Variants in RAPGEF4 observed in about 807,000 individuals in gnomAD.
The protein encoded by RAPGEF4 is RAP guanine-nucleotide-exchange factor (GEF) 4.
In RAPGEF4, 66 loss-of-function variants were observed where a neutral mutation model predicts 147.9. The observed-to-expected ratio is 0.45, with a 90% CI of 0.37 to 0.55. RAPGEF4 has a LOEUF of 0.55. Among genes scored for constraint, RAPGEF4 ranks in the 20% least tolerant of loss-of-function variants. RAPGEF4 has a pLI of 0.00. For synonymous variants in RAPGEF4, 419 were observed against 442.7 expected (o/e 0.95, Z 0.67); for missense variants, 1,071 against 1,257.3 (o/e 0.85, Z 2.24).
chr2:172,818,786 G>C (rs143285184), intron 4 of RAPGEF4, among the ~76,000 whole-genome samples: 185 of 152,328 alleles, frequency 1.2e-3, no homozygotes, highest in African/African-American at 4.2e-3. Flanking sequence ...GACTGTAATG[G>C]TAGCACAAAG....
At chr2:172,884,679 A>G (rs543639538) in intron 4 of RAPGEF4, among the ~76,000 whole-genome samples, 2 of 152,170 alleles carry the variant, frequency 1.3e-5, no homozygotes, top group Non-Finnish European at 2.9e-5. Context: ...GTGTGCCCCA[A>G]AAGAGTTTTA....
At chr2:172,876,347 C>T (rs2149832696) in intron 4 of RAPGEF4, among the ~76,000 whole-genome samples, 1 of 152,200 alleles carries the variant, frequency 6.6e-6, no homozygotes, top group Admixed American at 6.5e-5. Context: ...GGGAATGCTT[C>T]CAGTTTTTGC....
chr2:172,748,534 C>T (rs1271474523), intron 1 of RAPGEF4, among the ~76,000 whole-genome samples: 1 of 152,084 alleles, frequency 6.6e-6, no homozygotes, highest in Admixed American at 6.6e-5. Flanking sequence ...GGGGAAGCTG[C>T]CCCCATGATT....
chr2:172,876,053 T>A (rs553938344), intron 4 of RAPGEF4, among the ~76,000 whole-genome samples: 13 of 152,286 alleles, frequency 8.5e-5, no homozygotes, highest in Non-Finnish European at 1.8e-4. Flanking sequence ...GCTTGTCTGT[T>A]ATTGGTGTAT....
chr2:172,805,505 A>G (rs190019484), intron 3 of RAPGEF4, among the ~76,000 whole-genome samples: 68 of 152,328 alleles, frequency 4.5e-4, no homozygotes, highest in African/African-American at 1.6e-3. Context: ...CATCTCTCCC[A>G]GCTTCTCAGA....
At chr2:173,015,483 T>C (rs1261890807) in intron 18 of RAPGEF4, among the ~76,000 whole-genome samples, 1 of 152,168 alleles carries the variant, frequency 6.6e-6, no homozygotes, top group African/African-American at 2.4e-5. Flanking sequence ...TTTCTATTCA[T>C]ATCATTTCAC....
chr2:172,791,342 C>T (rs1224495996), intron 1 of RAPGEF4, among the ~76,000 whole-genome samples: 5 of 152,138 alleles, frequency 3.3e-5, no homozygotes, highest in East Asian at 1.9e-4. Flanking sequence ...AGTTTGAGGT[C>T]GCTGTAGAAG....
chr2:172,927,267 G>A (rs914239887), intron 6 of RAPGEF4, among the ~76,000 whole-genome samples: 3 of 152,026 alleles, frequency 2.0e-5, no homozygotes, highest in East Asian at 3.9e-4. Flanking sequence ...TGACTGTGAG[G>A]GTCAAAAGGT....
chr2:172,979,959 G>T (rs193248254), intron 10 of RAPGEF4, among the ~76,000 whole-genome samples: 1 of 152,348 alleles, frequency 6.6e-6, no homozygotes, highest in Non-Finnish European at 1.5e-5. Flanking sequence ...AGAGCTTGCA[G>T]TGAGCCAAGA....
intron 1 of RAPGEF4, among the ~76,000 whole-genome samples, chr2:172,751,647 T>A (rs10203074): frequency 0.12 from 18,665 of 152,146 alleles, 1,187 homozygotes; most frequent in Middle Eastern, 0.16. Context: ...GAAGTGATAT[T>A]TGACCAAAGA....
At chr2:172,736,245 A>G in intron 1 of RAPGEF4, 197 bp downstream of exon 1, 1 of 370,230 alleles carries the variant, frequency 2.7e-6, no homozygotes, top group African/African-American at 2.1e-5. Context: ...TGCCAGCGGC[A>G]TGAGATTATT....
intron 30 of RAPGEF4, 75 bp downstream of exon 30, chr2:173,048,729 C>T: frequency 6.3e-7 from 1 of 1,599,788 alleles, no homozygotes; most frequent in Non-Finnish European, 8.5e-7. Flanking sequence ...CATTGAGACA[C>T]CCTTGGAGCC....
chr2:172,774,575 T>TA (rs1177897278), intron 1 of RAPGEF4, among the ~76,000 whole-genome samples: 1 of 152,222 alleles, frequency 6.6e-6, no homozygotes, highest in Non-Finnish European at 1.5e-5. Flanking sequence ...AAATATCAGC[T>TA]AAAATGGTGT....
At chr2:172,971,132 G>C (rs1690435013) in intron 10 of RAPGEF4, among the ~76,000 whole-genome samples, 1 of 152,212 alleles carries the variant, frequency 6.6e-6, no homozygotes, top group Non-Finnish European at 1.5e-5. Context: ...CAGGTACTTT[G>C]GTTAGAGAAA....
chr2:173,046,878 A>AT (rs1685538284), intron 29 of RAPGEF4, among the ~76,000 whole-genome samples: 1 of 152,214 alleles, frequency 6.6e-6, no homozygotes, highest in South Asian at 2.1e-4. Flanking sequence ...TCAGTGAGGT[A>AT]TTATGATGCT....
At chr2:172,859,357 G>A (rs1693770234) in intron 4 of RAPGEF4, among the ~76,000 whole-genome samples, 1 of 152,222 alleles carries the variant, frequency 6.6e-6, no homozygotes, top group Admixed American at 6.5e-5. Context: ...ACTTTCATAT[G>A]AAAATGTACT....
intron 1 of RAPGEF4, among the ~76,000 whole-genome samples, chr2:172,777,078 C>T (rs1684240846): frequency 6.6e-6 from 1 of 152,038 alleles, no homozygotes. Flanking sequence ...TTCCATTTTC[C>T]TAGGCAGTTA....
intron 3 of RAPGEF4, among the ~76,000 whole-genome samples, chr2:172,806,013 G>A (rs1449512207): frequency 4.2e-5 from 4 of 94,788 alleles, no homozygotes; most frequent in East Asian, 3.5e-4. Context: ...GATATTATCC[G>A]GCTGTGTGTG....
chr2:172,737,057 C>T (rs542294656), intron 1 of RAPGEF4, among the ~76,000 whole-genome samples: 4 of 152,288 alleles, frequency 2.6e-5, no homozygotes, highest in Non-Finnish European at 5.9e-5. Flanking sequence ...TTAAGTGTGA[C>T]GTGCTTTGCA....
Sources: gnomAD v4.1 joint callset for allele counts (sites outside exome capture counted in the v4.1 genomes callset) on GRCh38, gnomAD v4.1.1 for gene constraint, MANE v1.5 for transcripts, NCBI Gene and HGNC (gene_info 2026-07-23, HGNC 2026-07-21) for gene names.